The following BCOR variants were observed in gnomAD, a reference collection of about 807,000 sequenced individuals.
The protein encoded by BCOR is BCL6 corepressor.
A neutral mutation model predicts 86.7 loss-of-function variants in BCOR; 10 were observed. The ratio of observed to expected loss-of-function variants is 0.12; its 90% CI spans 0.07 to 0.20. BCOR has a LOEUF of 0.20. Among genes scored for constraint, BCOR ranks in the 10% least tolerant of loss-of-function variants. The pLI is 1.00. For missense variants in BCOR, 1,259 were observed against 1,452.1 expected (o/e 0.87, Z 2.16); for synonymous variants, 611 against 609.0 (o/e 1.00, Z -0.05).
Position 40,054,257 on chromosome X carries a change from A to G in BCOR, c.4818T>C (p.Cys1606=). The change falls in exon 13 of 15, where the codon TGT becomes TGC. Residue 1606 remains cysteine, a splice_region_variant and synonymous_variant. Transcript: ENST00000378444. ...ACTAGAGCAAACAATGCAGCTTACC[A>G]CAAACAGAGCTGCCATAGAAGTCCC... ...GTWDFYGSSV[C]EPDDESGYDV... is the part of the protein sequence containing the mutation. 8.3e-7 allele frequency: 1 copy of G among 1,206,270 alleles called. No homozygotes were observed. The highest frequency in any genetic ancestry group is 1.1e-6 in the Non-Finnish European group (1 of 891,418).
intron 1 of BCOR, among the ~76,000 whole-genome samples, chrX:40,163,706 A>G (rs753821765): frequency 9.0e-4 from 98 of 109,372 alleles, no homozygotes; most frequent in African/African-American, 3.2e-3. Context: ...CAATGAATAT[A>G]GACTTCAAGG....
At chrX:40,171,732 T>A (rs1311968021) in intron 1 of BCOR, among the ~76,000 whole-genome samples, 1 of 112,683 alleles carries the variant, frequency 8.9e-6, no homozygotes, top group Non-Finnish European at 1.9e-5. Flanking sequence ...TCCCCAGGTT[T>A]TTATTCTTCC....
intron 1 of BCOR, among the ~76,000 whole-genome samples, chrX:40,122,601 C>T (rs1342184033): frequency 1.3e-4 from 14 of 111,878 alleles, no homozygotes; most frequent in African/African-American, 4.5e-4. Context: ...TGCACAATTC[C>T]TGCTGAGGGA....
At chrX:40,172,927 C>T (rs771877023) in intron 1 of BCOR, among the ~76,000 whole-genome samples, 3 of 112,950 alleles carry the variant, frequency 2.7e-5, no homozygotes, top group Non-Finnish European at 5.6e-5. Flanking sequence ...ACGTGACCGC[C>T]GGATGCTATG....
rs1459087053 is a variant in BCOR at position 40,075,317 on chromosome X, G to A, written c.166-137C>T. 4 of 467,364 alleles carry A rather than the reference G, an allele frequency of 8.6e-6. No individual in the cohort carries two copies. The African/African-American group carries it at 1.0e-4, about 12-fold the overall frequency. 38.5% of individuals were successfully genotyped at this position (467,364 alleles called of 1,213,427 possible). On this transcript the variant is annotated intron_variant, in intron 3 of 14. Coordinates refer to ENST00000378444, the MANE Select transcript of BCOR (RefSeq NM_001123385.2). ...GGGTTAAAGACAGGCTTCCGGCGGG[G>A]CGGGGGTGGGGGGTCTGTTTCCCCA...
At chrX:40,111,151 A>G (rs1279905350) in intron 1 of BCOR, among the ~76,000 whole-genome samples, 1 of 111,309 alleles carries the variant, frequency 9.0e-6, no homozygotes, top group Non-Finnish European at 1.9e-5. Context: ...AGGATCTCAC[A>G]CTGTTTTAAG....
At chrX:40,147,265 G>T (rs1938078985) in intron 1 of BCOR, among the ~76,000 whole-genome samples, 1 of 112,661 alleles carries the variant, frequency 8.9e-6, no homozygotes, top group Admixed American at 9.3e-5. Context: ...GTCTGCCGCA[G>T]AAATGTTCCC....
intron 1 of BCOR, among the ~76,000 whole-genome samples, chrX:40,137,880 T>C (rs1937717830): frequency 8.9e-6 from 1 of 111,892 alleles, no homozygotes; most frequent in East Asian, 2.8e-4. Flanking sequence ...TCTTCAAAGA[T>C]GGTTCTATTA....
intron 1 of BCOR, among the ~76,000 whole-genome samples, chrX:40,146,184 G>A (rs1244207289): frequency 8.9e-6 from 1 of 112,256 alleles, no homozygotes; most frequent in East Asian, 2.8e-4. Flanking sequence ...CTCTCCGCAC[G>A]GTAGCCTGAT....
chrX:40,155,084 C>A (rs965873427), intron 1 of BCOR, among the ~76,000 whole-genome samples: 8 of 108,416 alleles, frequency 7.4e-5, no homozygotes, highest in Admixed American at 3.8e-4. Flanking sequence ...GGGGGAGGGG[C>A]GGGGCGGGCT....
At chrX:40,145,561 C>G (rs1938029205) in intron 1 of BCOR, among the ~76,000 whole-genome samples, 1 of 111,688 alleles carries the variant, frequency 9.0e-6, no homozygotes, top group African/African-American at 3.3e-5. Flanking sequence ...GGAGGCTACC[C>G]CCTCCCCGCC....
intron 1 of BCOR, among the ~76,000 whole-genome samples, chrX:40,139,671 C>G (rs1457966783): frequency 2.0e-5 from 2 of 100,115 alleles, no homozygotes; most frequent in Non-Finnish European, 4.0e-5. Context: ...ATTAGCCCAG[C>G]GTCGTGGCAC....
chrX:40,116,250 T>A (rs1937392235), intron 1 of BCOR, among the ~76,000 whole-genome samples: 1 of 111,922 alleles, frequency 8.9e-6, no homozygotes. Context: ...GTAATCCCAG[T>A]GCTTTGGGAG....
chrX:40,166,171 C>T (rs1432072927), intron 1 of BCOR, among the ~76,000 whole-genome samples: 1 of 111,881 alleles, frequency 8.9e-6, no homozygotes, highest in Non-Finnish European at 1.9e-5. Flanking sequence ...GATCTCCCAT[C>T]TTGATTACTT....
chrX:40,139,414 TAATATATATAC>T (rs1569192309), intron 1 of BCOR, among the ~76,000 whole-genome samples: 957 of 14,853 alleles, frequency 0.064, 253 homozygotes, highest in African/African-American at 0.089. Context: ...TATATATATA[TAATATATATAC>T]ATATATATAT....
intron 1 of BCOR, among the ~76,000 whole-genome samples, chrX:40,173,381 G>C (rs751571138): frequency 1.8e-5 from 2 of 112,293 alleles, no homozygotes; most frequent in Non-Finnish European, 3.8e-5. Flanking sequence ...AAGGTGCTTA[G>C]AACGCTGCCT....
intron 2 of BCOR, 167 bp downstream of exon 2, chrX:40,077,677 T>C: frequency 2.1e-6 from 1 of 469,276 alleles, no homozygotes; most frequent in Non-Finnish European, 3.8e-6. Context: ...CGGCAATGCT[T>C]CACTGAGCCA....
At chrX:40,171,050 C>T (rs1412942446) in intron 1 of BCOR, among the ~76,000 whole-genome samples, 5 of 111,976 alleles carry the variant, frequency 4.5e-5, no homozygotes, top group East Asian at 2.8e-4. Context: ...ACTGGCCACT[C>T]GCCCCCACAA....
intron 1 of BCOR, among the ~76,000 whole-genome samples, chrX:40,123,820 T>TGTGC (rs1350504627): frequency 9.2e-6 from 1 of 108,677 alleles, no homozygotes; most frequent in Non-Finnish European, 1.9e-5. Context: ...TGTGTGTGTG[T>TGTGC]GCACGCGCGC....
Sources: gnomAD v4.1 joint callset for allele counts (sites outside exome capture counted in the v4.1 genomes callset) on GRCh38, gnomAD v4.1.1 for gene constraint, MANE v1.5 for transcripts, NCBI Gene and HGNC (gene_info 2026-07-23, HGNC 2026-07-21) for gene names.